LCOR: variants seen among roughly 807,000 people sequenced by gnomAD.
The protein encoded by LCOR is ligand-dependent corepressor.
A neutral mutation model predicts 64.4 loss-of-function variants in LCOR; 14 were observed. The ratio of observed to expected loss-of-function variants is 0.22; its 90% CI spans 0.14 to 0.34. The LOEUF (loss-of-function observed/expected upper bound fraction) is 0.34. Among genes scored for constraint, LCOR ranks in the 10% least tolerant of loss-of-function variants. The pLI is 1.00. For synonymous variants in LCOR, 643 were observed against 642.5 expected, an observed-to-expected ratio of 1.00 and a Z score of -0.01; for missense variants, 1,686 against 1,765.3, an observed-to-expected ratio of 0.96 and a Z score of 0.80.
At chr10:96,836,632 C>T (rs890331191) in intron 2 of LCOR, among the ~76,000 whole-genome samples, 2 of 152,080 alleles carry the variant, frequency 1.3e-5, no homozygotes, top group Admixed American at 6.6e-5. Context: ...CAAGCAAATG[C>T]TAGGGGTGTT....
chr10:96,874,692 C>T (rs1846134547), intron 2 of LCOR, among the ~76,000 whole-genome samples: 1 of 151,492 alleles, frequency 6.6e-6, no homozygotes, highest in Non-Finnish European at 1.5e-5. Context: ...GGCTGGAGTG[C>T]AATGGTGCGA....
intron 2 of LCOR, among the ~76,000 whole-genome samples, chr10:96,902,081 C>G (rs1037033676): frequency 5.9e-5 from 9 of 151,348 alleles, no homozygotes; most frequent in African/African-American, 1.9e-4. Flanking sequence ...AGTTTTTCTC[C>G]TCCCCCCAAG....
chr10:96,954,893 C>A, intron 7 of LCOR: 1 of 1,394,266 alleles, frequency 7.2e-7, no homozygotes, highest in Non-Finnish European at 9.9e-7. Flanking sequence ...GTGGTCCCCT[C>A]ACCCATCCCT....
intron 4 of LCOR, among the ~76,000 whole-genome samples, chr10:96,922,452 G>C (rs1298243955): frequency 1.3e-5 from 2 of 152,152 alleles, no homozygotes; most frequent in African/African-American, 4.8e-5. Context: ...TTTAGAAAAT[G>C]GCAAAATTAC....
intron 7 of LCOR, among the ~76,000 whole-genome samples, chr10:96,971,193 C>T (rs368548594): frequency 2.0e-5 from 3 of 152,184 alleles, no homozygotes; most frequent in South Asian, 2.1e-4. Context: ...AACCTACATA[C>T]TTACTGTCTG....
In LCOR at chr10:96,981,046, G is replaced by T. The variant is rs1359021449; in HGVS notation, c.586G>T (p.Asp196Tyr). ...KHKEKDALCL[D>Y]MKSSASVDLF... is the part of the protein sequence containing the mutation. ...TAAGGAAAAAGATGCTCTGTGTCTC[G>T]ATATGAAGTCTTCTGCTTCTGTAGA... The change falls in exon 8 of 8, where the codon GAT (aspartate) becomes TAT (tyrosine). Residue 196 changes from aspartate (D) to tyrosine (Y), a missense_variant. Transcript: ENST00000421806. The T allele has an allele frequency of 1.6e-5, 11 of 702,864 alleles. No homozygotes were observed. Among genetic ancestry groups the T allele is most frequent in the African/African-American group, 1.2e-4 (7 of 57,234 alleles). 43.5% of individuals were successfully genotyped at this position (702,864 alleles called of 1,614,324 possible).
chr10:96,893,425 G>A (rs908544551), intron 2 of LCOR, among the ~76,000 whole-genome samples: 42 of 151,942 alleles, frequency 2.8e-4, no homozygotes, highest in Non-Finnish European at 3.8e-4. Context: ...GTCTAATCAC[G>A]TTATAAATTT....
At chr10:96,910,901 C>T (rs1462997838) in intron 4 of LCOR, among the ~76,000 whole-genome samples, 2 of 152,082 alleles carry the variant, frequency 1.3e-5, no homozygotes, top group African/African-American at 4.8e-5. Context: ...TTTATATTTA[C>T]CTTTAAAAAC....
chr10:96,897,100 G>GAAAAAAAAAAAAAAA (rs1564618729), intron 2 of LCOR, among the ~76,000 whole-genome samples: 1 of 78,572 alleles, frequency 1.3e-5, no homozygotes. Context: ...AGAAAGAAAA[G>GAAAAAAAAAAAAAAA]CAAAAAAAAA....
intron 2 of LCOR, among the ~76,000 whole-genome samples, chr10:96,880,581 A>G (rs1325149356): frequency 6.6e-6 from 1 of 152,124 alleles, no homozygotes; most frequent in Non-Finnish European, 1.5e-5. Flanking sequence ...TATTTGTAGT[A>G]GAGATGGGGT....
At chr10:96,865,643 G>A (rs980288839) in intron 2 of LCOR, among the ~76,000 whole-genome samples, 1 of 152,152 alleles carries the variant, frequency 6.6e-6, no homozygotes, top group African/African-American at 2.4e-5. Context: ...GGGAGGCTGA[G>A]GTGGGCGGAT....
intron 2 of LCOR, among the ~76,000 whole-genome samples, chr10:96,864,581 A>G (rs1300380063): frequency 3.9e-5 from 6 of 152,246 alleles, no homozygotes; most frequent in Non-Finnish European, 5.9e-5. Context: ...GGAACCAGAT[A>G]AAAGCTCTGA....
intron 2 of LCOR, among the ~76,000 whole-genome samples, chr10:96,871,190 A>G (rs1589619899): frequency 6.7e-6 from 1 of 150,226 alleles, no homozygotes; most frequent in East Asian, 2.0e-4. Context: ...TCAAGTAGCT[A>G]GGCTTACAGG....
chr10:96,912,446 A>G (rs1217710925), intron 4 of LCOR, among the ~76,000 whole-genome samples: 1 of 152,210 alleles, frequency 6.6e-6, no homozygotes, highest in Non-Finnish European at 1.5e-5. Flanking sequence ...TTATCCCACT[A>G]GTGTCCTTTA....
At chr10:96,946,119 C>T (rs1211756731) in intron 5 of LCOR, among the ~76,000 whole-genome samples, 1 of 151,800 alleles carries the variant, frequency 6.6e-6, no homozygotes, top group Non-Finnish European at 1.5e-5. Flanking sequence ...ATTTTCTTCC[C>T]CTTTATGTAT....
chr10:96,962,514 C>T (rs965056881), intron 7 of LCOR: 1 of 152,048 alleles, frequency 6.6e-6, no homozygotes, highest in Non-Finnish European at 1.5e-5. Context: ...GGATGATTAA[C>T]TAGGTTAGTA....
At chr10:96,924,895 T>C (rs1847141510) in intron 4 of LCOR, among the ~76,000 whole-genome samples, 1 of 152,146 alleles carries the variant, frequency 6.6e-6, no homozygotes, top group Admixed American at 6.5e-5. Context: ...ACCTAATATA[T>C]GAATCTTACT....
chr10:96,858,035 A>G (rs923958481), intron 2 of LCOR, among the ~76,000 whole-genome samples: 2 of 152,222 alleles, frequency 1.3e-5, no homozygotes, highest in African/African-American at 2.4e-5. Flanking sequence ...AATAAAAACT[A>G]AGATGAGAAA....
Position 96,982,969 on chromosome 10 carries a change from G to T in LCOR, c.2509G>T (p.Asp837Tyr), listed in dbSNP as rs1255535483. 6 of 1,613,178 alleles carry T rather than the reference G, an allele frequency of 3.7e-6. No homozygotes were observed. The East Asian group carries it at 1.3e-4, about 36-fold the overall frequency. Residue 837 changes from aspartate to tyrosine, a missense_variant, in exon 8 of 8, where the codon GAT becomes TAT. Coordinates refer to ENST00000421806, the MANE Select transcript of LCOR (RefSeq NM_001346516.2). ...ADRCLRNQSS[D>Y]SSSACLEIKV... ...CAGATGCCTAAGAAATCAGAGTTCAGATTCTTCCTCAGCTTGTCTTGAAAT... is the reference window on the plus strand; with the variant it reads ...CAGATGCCTAAGAAATCAGAGTTCATATTCTTCCTCAGCTTGTCTTGAAAT...
Sources: gnomAD v4.1 joint callset for allele counts (sites outside exome capture counted in the v4.1 genomes callset) on GRCh38, gnomAD v4.1.1 for gene constraint, MANE v1.5 for transcripts, NCBI Gene and HGNC (gene_info 2026-07-23, HGNC 2026-07-21) for gene names.